Variants in ABI3BP observed in about 807,000 individuals in gnomAD.
The protein encoded by ABI3BP is ABI family member 3 binding protein, also known as target of Nesh-SH3.
ABI3BP carries 216 observed loss-of-function variants against 268.6 expected under a neutral mutation model. That is an observed-to-expected ratio of 0.80 (90% CI 0.72 to 0.90). The LOEUF is 0.90. Among genes scored for constraint, ABI3BP ranks in the 40% least tolerant of loss-of-function variants. ABI3BP has a pLI of 0.00. For missense variants in ABI3BP, 2,090 were observed against 2,182.4 expected (o/e 0.96, Z 0.84); for synonymous variants, 730 against 730.0 (o/e 1.00, Z 0.00).
chr3:100,851,942 T>G lies in ABI3BP; in HGVS notation c.1286-2A>C. On this transcript the variant is annotated splice_acceptor_variant, in intron 14 of 67. Coordinates refer to ENST00000471714, the MANE Select transcript of ABI3BP (RefSeq NM_001375547.2). LOFTEE classifies it high-confidence loss of function. ...GGCTTGAGAAAACATCATAAGTTGCTTAAAAAAAAAAAAAAGGCAAAACAA... is the reference window on the plus strand; with the variant it reads ...GGCTTGAGAAAACATCATAAGTTGCGTAAAAAAAAAAAAAAGGCAAAACAA... 1.5e-6 allele frequency: 2 copies of G among 1,348,808 alleles called. No individual in the cohort carries two copies. Among genetic ancestry groups the G allele is most frequent in the Non-Finnish European group, 2.0e-6 (2 of 1,014,506 alleles). 83.6% of individuals were successfully genotyped at this position (1,348,808 alleles called of 1,614,324 possible).
intron 31 of ABI3BP, among the ~76,000 whole-genome samples, chr3:100,831,047 A>T (rs1047694481): frequency 6.6e-6 from 1 of 152,226 alleles, no homozygotes; most frequent in Non-Finnish European, 1.5e-5. Flanking sequence ...TAGAATAAAC[A>T]TTTACATTTG....
chr3:100,763,304 T>C (rs1429444135), intron 63 of ABI3BP, among the ~76,000 whole-genome samples: 1 of 151,392 alleles, frequency 6.6e-6, no homozygotes, highest in South Asian at 2.1e-4. Context: ...CTACTAAAAA[T>C]ACAAAAAAAG....
intron 21 of ABI3BP, among the ~76,000 whole-genome samples, chr3:100,841,625 A>C (rs1240416846): frequency 6.6e-6 from 1 of 152,148 alleles, no homozygotes; most frequent in Non-Finnish European, 1.5e-5. Context: ...ACAGTGGTTC[A>C]CACCTGTAAT....
At chr3:100,851,531 T>G (rs1001184913) in intron 15 of ABI3BP, among the ~76,000 whole-genome samples, 3 of 152,058 alleles carry the variant, frequency 2.0e-5, no homozygotes, top group African/African-American at 7.2e-5. Flanking sequence ...GAGTTGAAAA[T>G]TACCCCCCAT....
At chr3:100,798,434 T>C (rs2097421425) in intron 51 of ABI3BP, among the ~76,000 whole-genome samples, 1 of 152,164 alleles carries the variant, frequency 6.6e-6, no homozygotes, top group Admixed American at 6.6e-5. Flanking sequence ...TTCCTCTGTA[T>C]GTTAAATTGA....
intron 4 of ABI3BP, among the ~76,000 whole-genome samples, chr3:100,892,667 T>C (rs2045306179): frequency 6.6e-6 from 1 of 152,234 alleles, no homozygotes; most frequent in African/African-American, 2.4e-5. Context: ...TGAGAGCTTT[T>C]AAAAATGCAG....
At chr3:100,972,722 C>T (rs911966677) in intron 1 of ABI3BP, among the ~76,000 whole-genome samples, 2 of 152,164 alleles carry the variant, frequency 1.3e-5, no homozygotes, top group African/African-American at 2.4e-5. Flanking sequence ...ATAACAGCAT[C>T]ACCACATCCT....
At chr3:100,764,427 G>A (rs988730648) in intron 63 of ABI3BP, among the ~76,000 whole-genome samples, 7 of 152,178 alleles carry the variant, frequency 4.6e-5, no homozygotes, top group African/African-American at 1.7e-4. Context: ...TTTGCTGAAT[G>A]GAAATGCAAA....
chr3:100,849,175 TGA>T, intron 17 of ABI3BP, among the ~76,000 whole-genome samples: 1 of 151,018 alleles, frequency 6.6e-6, no homozygotes, highest in East Asian at 1.9e-4. Context: ...CTCAAAAGGA[TGA>T]CATTGAATAG....
intron 1 of ABI3BP, among the ~76,000 whole-genome samples, chr3:100,984,320 T>C (rs1237445115): frequency 6.6e-6 from 1 of 152,208 alleles, no homozygotes; most frequent in Non-Finnish European, 1.5e-5. Context: ...GGTAAACTTA[T>C]TAAATGAAGA....
At chr3:100,892,215 G>A (rs1179513783) in intron 4 of ABI3BP, among the ~76,000 whole-genome samples, 1 of 152,186 alleles carries the variant, frequency 6.6e-6, no homozygotes, top group Non-Finnish European at 1.5e-5. Flanking sequence ...AGAATTACCA[G>A]CGTGGAAGAA....
intron 1 of ABI3BP, among the ~76,000 whole-genome samples, chr3:100,951,733 A>G (rs531382324): frequency 2.0e-5 from 3 of 152,096 alleles, no homozygotes; most frequent in Non-Finnish European, 4.4e-5. Flanking sequence ...AAGGATGCCT[A>G]TGACTTTGCT....
intron 1 of ABI3BP, among the ~76,000 whole-genome samples, chr3:100,977,689 C>G (rs997598367): frequency 1.3e-5 from 2 of 152,142 alleles, no homozygotes; most frequent in Non-Finnish European, 2.9e-5. Context: ...TTTCACTTCA[C>G]TTTTTCCATA....
chr3:100,826,946 G>T (rs190371259), intron 34 of ABI3BP, among the ~76,000 whole-genome samples: 7 of 152,140 alleles, frequency 4.6e-5, no homozygotes, highest in African/African-American at 1.7e-4. Context: ...AAAATGTTTT[G>T]GCTGACCCTA....
chr3:100,843,448 A>G (rs1432680655), intron 20 of ABI3BP, among the ~76,000 whole-genome samples: 1 of 145,734 alleles, frequency 6.9e-6, no homozygotes, highest in East Asian at 2.1e-4. Flanking sequence ...CAGAAGAGAG[A>G]AGGGAGGAGG....
chr3:100,988,806 G>A (rs1228443107), intron 1 of ABI3BP, among the ~76,000 whole-genome samples: 1 of 152,110 alleles, frequency 6.6e-6, no homozygotes, highest in African/African-American at 2.4e-5. Flanking sequence ...TTACTTGAAT[G>A]AATTAATGTA....
rs1368023861 is a variant in ABI3BP, at chr3:100,890,215, T to C, written c.462-3892A>G. The stretch of plus-strand genomic sequence containing the variant: ...ATGCTTTTATTTCTATGTGATTAAC[T>C]ACTTTTACATTTCCTAAAACATCTA... On this transcript the variant is annotated intron_variant, in intron 4 of 67. Transcript: ENST00000471714. Among the ~76,000 whole-genome samples, 6 of 152,304 alleles carry C rather than the reference T, an allele frequency of 3.9e-5. 1 individual carries two copies. In the South Asian group the frequency reaches 1.0e-3, roughly 26 times the overall value.
At chr3:100,926,624 C>A in intron 1 of ABI3BP, 143 bp from the exon 2 acceptor site, 1 of 692,614 alleles carries the variant, frequency 1.4e-6, no homozygotes, top group Non-Finnish European at 2.5e-6. Context: ...ACAGCACACA[C>A]CCAAACGCCC....
intron 1 of ABI3BP, among the ~76,000 whole-genome samples, chr3:100,937,762 C>T (rs1051279790): frequency 6.6e-6 from 1 of 152,082 alleles, no homozygotes; most frequent in African/African-American, 2.4e-5. Context: ...GTAGTCTATG[C>T]TCTGCTTTGA....
Sources: allele counts gnomAD v4.1 joint callset (sites outside exome capture counted in the v4.1 genomes callset), GRCh38; gene constraint gnomAD v4.1.1; transcripts MANE v1.5; gene names NCBI Gene and HGNC (gene_info 2026-07-23, HGNC 2026-07-21).